Variants in EPC2 observed in about 807,000 individuals in gnomAD.
EPC2 encodes enhancer of polycomb homolog 2.
In EPC2, 14 loss-of-function variants were observed where a neutral mutation model predicts 92.1. That is an observed-to-expected ratio of 0.15 (90% CI 0.10 to 0.24). The LOEUF is 0.24. EPC2 is among the 10% of genes least tolerant of loss of function. The pLI, the probability that EPC2 is intolerant of heterozygous loss-of-function variation, is 1.00. For missense variants in EPC2, 755 were observed against 971.5 expected, an observed-to-expected ratio of 0.78 and a Z score of 2.96; for synonymous variants, 340 against 334.7, an observed-to-expected ratio of 1.02 and a Z score of -0.17.
intron 2 of EPC2, among the ~76,000 whole-genome samples, chr2:148,724,947 C>A (rs928637662): frequency 1.3e-5 from 2 of 152,022 alleles, no homozygotes; most frequent in Non-Finnish European, 2.9e-5. Context: ...ACCCTAGCTG[C>A]AAATTCACCT....
intron 2 of EPC2, among the ~76,000 whole-genome samples, chr2:148,729,716 T>A (rs1682580345): frequency 6.6e-6 from 1 of 152,192 alleles, no homozygotes; most frequent in African/African-American, 2.4e-5. Context: ...AAAGGGTCAT[T>A]ATCTTTACAC....
intron 1 of EPC2, among the ~76,000 whole-genome samples, chr2:148,677,989 G>A (rs1026218567): frequency 4.6e-5 from 7 of 152,092 alleles, no homozygotes; most frequent in African/African-American, 1.4e-4. Flanking sequence ...AAGGGGACCC[G>A]AGCGGGTTGC....
At position 148,761,904 on chromosome 2, in the gene EPC2, C is replaced by T. The variant is rs748301230; in HGVS notation, c.789C>T (p.His263=). ...AGAAAACAAAACGAGAATTATTGCA[C>T]TTAACCTTAGAAGTTGTGGAGAAAA... The part of the protein sequence containing the change: ...RREKTKRELL[H]LTLEVVEKRY... The change falls in exon 5 of 14, where the codon CAC becomes CAT. Residue 263 remains histidine, a synonymous_variant. Coordinates refer to ENST00000258484, the MANE Select transcript of EPC2 (RefSeq NM_015630.4). 2 of 1,594,738 alleles carry T rather than the reference C, an allele frequency of 1.3e-6. No individual in the cohort carries two copies. The highest frequency in any genetic ancestry group is 2.7e-5 in the African/African-American group (2 of 73,694).
At chr2:148,743,525 G>A in intron 2 of EPC2, 97 bp from the exon 3 acceptor site, 1 of 935,754 alleles carries the variant, frequency 1.1e-6, no homozygotes, top group Non-Finnish European at 1.5e-6. Context: ...TTTAGTCAGT[G>A]CACTGTAATT....
chr2:148,689,062 G>A (rs1681588978), intron 1 of EPC2, among the ~76,000 whole-genome samples: 1 of 152,210 alleles, frequency 6.6e-6, no homozygotes, highest in Non-Finnish European at 1.5e-5. Flanking sequence ...AATTTTGAAA[G>A]CAGACCGTTT....
chr2:148,660,661 A>G (rs1027460474), intron 1 of EPC2, among the ~76,000 whole-genome samples: 4 of 151,076 alleles, frequency 2.6e-5, no homozygotes, highest in African/African-American at 9.7e-5. Flanking sequence ...TAATTACCTC[A>G]TTTTTTCCTT....
At chr2:148,772,274 CTT>C (rs1447324759) in intron 10 of EPC2, among the ~76,000 whole-genome samples, 2 of 152,018 alleles carry the variant, frequency 1.3e-5, no homozygotes, top group African/African-American at 2.4e-5. Flanking sequence ...TCTGTGGTCT[CTT>C]TATCACATGT....
chr2:148,713,632 A>G (rs1682199407), intron 2 of EPC2, among the ~76,000 whole-genome samples: 1 of 152,156 alleles, frequency 6.6e-6, no homozygotes, highest in African/African-American at 2.4e-5. Context: ...TATAAGCTAT[A>G]TTTATGATGT....
intron 1 of EPC2, 69 bp downstream of exon 1, chr2:148,645,239 C>A: frequency 7.3e-7 from 1 of 1,365,638 alleles, no homozygotes; most frequent in Non-Finnish European, 1.0e-6. Flanking sequence ...CGGGCCTCGC[C>A]ATTCACAGAG....
At chr2:148,670,404 G>A (rs549643684) in intron 1 of EPC2, among the ~76,000 whole-genome samples, 1 of 151,356 alleles carries the variant, frequency 6.6e-6, no homozygotes, top group Non-Finnish European at 1.5e-5. Flanking sequence ...GTATTTGAAA[G>A]TATTCAAGTA....
intron 1 of EPC2, among the ~76,000 whole-genome samples, chr2:148,682,923 A>G (rs1334682390): frequency 6.6e-6 from 1 of 152,070 alleles, no homozygotes; most frequent in Non-Finnish European, 1.5e-5. Flanking sequence ...AATATATTTA[A>G]TGTGTCTCTT....
At chr2:148,723,819 T>C (rs1017351470) in intron 2 of EPC2, among the ~76,000 whole-genome samples, 2 of 152,148 alleles carry the variant, frequency 1.3e-5, no homozygotes, top group African/African-American at 4.8e-5. Flanking sequence ...TTCTTCTGAT[T>C]GAGACAATTG....
At chr2:148,675,718 C>T (rs142322527) in intron 1 of EPC2, among the ~76,000 whole-genome samples, 25 of 152,288 alleles carry the variant, frequency 1.6e-4, no homozygotes, top group African/African-American at 4.6e-4. Context: ...CAGAATTTTA[C>T]GGCACTCTTG....
At position 148,690,365 on chromosome 2, in the gene EPC2, A is replaced by C; in HGVS notation, c.305A>C (p.His102Pro). 1 of 1,590,108 alleles carries C rather than the reference A, an allele frequency of 6.3e-7. No individual in the cohort carries two copies. The highest frequency in any genetic ancestry group is 2.2e-5 in the East Asian group (1 of 44,502). The change falls in exon 2 of 14, where the codon CAT becomes CCT. Residue 102 changes from histidine to proline, a missense_variant. Transcript: ENST00000258484. ...GEFKQPKQFI[H>P]IQPFNLDNEQ... ...TTTAAACAGCCAAAACAGTTCATTC[A>C]TATTCAGCGTAAGTTTGTTAATTCA...
intron 2 of EPC2, among the ~76,000 whole-genome samples, chr2:148,706,223 G>A (rs950325595): frequency 2.0e-5 from 3 of 152,120 alleles, no homozygotes; most frequent in African/African-American, 4.8e-5. Context: ...TTCAGTAGCC[G>A]ATTCAATCAA....
chr2:148,665,368 T>G (rs1034695500), intron 1 of EPC2, among the ~76,000 whole-genome samples: 4 of 152,036 alleles, frequency 2.6e-5, no homozygotes, highest in Non-Finnish European at 5.9e-5. Flanking sequence ...ACTGTTTGAA[T>G]TTTTTTTACT....
intron 1 of EPC2, among the ~76,000 whole-genome samples, chr2:148,651,755 GTGTT>G (rs537505376): frequency 2.9e-4 from 44 of 152,342 alleles, no homozygotes; most frequent in South Asian, 1.7e-3. Context: ...GTGTTGTTGA[GTGTT>G]TGAGCATGTG....
At chr2:148,780,214 A>G (rs1216475832) in intron 10 of EPC2, among the ~76,000 whole-genome samples, 1 of 152,128 alleles carries the variant, frequency 6.6e-6, no homozygotes, top group Non-Finnish European at 1.5e-5. Context: ...AATAGCCCCC[A>G]GTTTTGAGTC....
intron 1 of EPC2, 66 bp downstream of exon 1, chr2:148,645,236 C>T: frequency 1.4e-6 from 2 of 1,383,486 alleles, no homozygotes; most frequent in East Asian, 2.6e-5. Context: ...AGTCGGGCCT[C>T]GCCATTCACA....
Sources: allele counts gnomAD v4.1 joint callset (sites outside exome capture counted in the v4.1 genomes callset), GRCh38; gene constraint gnomAD v4.1.1; transcripts MANE v1.5; gene names NCBI Gene and HGNC (gene_info 2026-07-23, HGNC 2026-07-21).